HS3ST3A1: variants seen among roughly 807,000 people sequenced by gnomAD.
The protein encoded by HS3ST3A1 is heparan sulfate glucosamine 3-O-sulfotransferase 3A1.
Under a neutral mutation model 25.7 loss-of-function variants are expected in HS3ST3A1, and 19 were observed. That is an observed-to-expected ratio of 0.74 (90% confidence interval 0.52 to 1.08). The LOEUF (loss-of-function observed/expected upper bound fraction) is 1.08. Among genes scored for constraint, HS3ST3A1 ranks in the 50% least tolerant of loss-of-function variants. The pLI, the probability that HS3ST3A1 is intolerant of heterozygous loss-of-function variation, is 0.00. For missense variants in HS3ST3A1, 459 were observed against 594.3 expected (o/e 0.77, Z 2.37); for synonymous variants, 226 against 278.6 (o/e 0.81, Z 1.88).
chr17:13,523,243 A>G (rs866908260), intron 1 of HS3ST3A1, among the ~76,000 whole-genome samples: 1 of 152,192 alleles, frequency 6.6e-6, no homozygotes, highest in African/African-American at 2.4e-5. Flanking sequence ...AGAACTGGCC[A>G]TATAGTTGTG....
At chr17:13,580,752 G>A (rs1381174129) in intron 1 of HS3ST3A1, among the ~76,000 whole-genome samples, 1 of 152,066 alleles carries the variant, frequency 6.6e-6, no homozygotes, top group Admixed American at 6.6e-5. Context: ...TTAGCCGGAC[G>A]TGGTGACACA....
chr17:13,508,381 T>C (rs76229384), intron 1 of HS3ST3A1, among the ~76,000 whole-genome samples: 7,025 of 152,256 alleles, frequency 0.046, 341 homozygotes, highest in African/African-American at 0.12. Context: ...AACGAATCCA[T>C]CTGTAGTCAG....
chr17:13,511,868 A>C (rs1260894306), intron 1 of HS3ST3A1, among the ~76,000 whole-genome samples: 1 of 152,186 alleles, frequency 6.6e-6, no homozygotes, highest in East Asian at 1.9e-4. Context: ...GAATTTTGAT[A>C]GATAACTTGG....
chr17:13,523,209 A>T (rs899356608), intron 1 of HS3ST3A1, among the ~76,000 whole-genome samples: 1 of 152,342 alleles, frequency 6.6e-6, no homozygotes, highest in South Asian at 2.1e-4. Flanking sequence ...TAGAAAAGAA[A>T]AAAACAACCC....
At chr17:13,600,470 C>A in intron 1 of HS3ST3A1, 61 bp downstream of exon 1, 3 of 1,487,118 alleles carry the variant, frequency 2.0e-6, no homozygotes, top group South Asian at 1.3e-5. Flanking sequence ...GGCTCCTCCA[C>A]GTCTTTCCCA....
chr17:13,528,073 G>A (rs1206225156), intron 1 of HS3ST3A1, among the ~76,000 whole-genome samples: 1 of 152,248 alleles, frequency 6.6e-6, no homozygotes, highest in South Asian at 2.1e-4. Context: ...AGAAGGAGGG[G>A]ATCTACTGGA....
intron 1 of HS3ST3A1, among the ~76,000 whole-genome samples, chr17:13,599,036 A>T (rs1397708836): frequency 6.7e-6 from 1 of 148,624 alleles, no homozygotes; most frequent in African/African-American, 2.5e-5. Context: ...GTCTTTAATC[A>T]CTTCTTTCTC....
intron 1 of HS3ST3A1, among the ~76,000 whole-genome samples, chr17:13,572,431 C>T (rs1201926968): frequency 6.6e-6 from 1 of 152,000 alleles, no homozygotes; most frequent in Non-Finnish European, 1.5e-5. Context: ...ACTAGGAAAA[C>T]AATGCATTTG....
chr17:13,496,119 A>G lies in HS3ST3A1; in HGVS notation c.*78T>C. On this transcript the variant is annotated 3_prime_UTR_variant, in exon 2 of 2. Coordinates refer to ENST00000284110, the MANE Select transcript of HS3ST3A1 (RefSeq NM_006042.3). ...ACTGAAACATATTTTCAGCACAAAT[A>G]TTAAACTGTCTCTTCTCTACCGATT... 7.2e-7 allele frequency: 1 copy of G among 1,391,488 alleles called. No homozygotes were observed. Among genetic ancestry groups the G allele is most frequent in the Non-Finnish European group, 9.5e-7 (1 of 1,054,626 alleles). The allele number at this position is 1,391,488 out of a possible 1,614,324, so 86.2% of individuals were successfully genotyped here. A position where few individuals can be genotyped will look rare whatever the true frequency, so the allele number is the denominator to read the frequency against.
chr17:13,585,147 T>G (rs2142386260), intron 1 of HS3ST3A1, among the ~76,000 whole-genome samples: 1 of 150,366 alleles, frequency 6.7e-6, no homozygotes, highest in South Asian at 2.1e-4. Context: ...GAACAACCAT[T>G]TAGCCGCCAA....
chr17:13,549,056 A>G (rs1277742329), intron 1 of HS3ST3A1, among the ~76,000 whole-genome samples: 1 of 152,188 alleles, frequency 6.6e-6, no homozygotes, highest in African/African-American at 2.4e-5. Flanking sequence ...GCTTTTCACA[A>G]TAAATCTTGC....
At chr17:13,579,894 G>C (rs1233039214) in intron 1 of HS3ST3A1, among the ~76,000 whole-genome samples, 2 of 139,512 alleles carry the variant, frequency 1.4e-5, no homozygotes, top group Non-Finnish European at 3.0e-5. Flanking sequence ...GTTGCAGTGA[G>C]CTGAGATCGT....
chr17:13,596,697 T>A (rs1304178829), intron 1 of HS3ST3A1, among the ~76,000 whole-genome samples: 1 of 152,138 alleles, frequency 6.6e-6, no homozygotes, highest in Non-Finnish European at 1.5e-5. Flanking sequence ...AGAGCGCCCT[T>A]GGCCATCAGT....
chr17:13,540,917 G>T (rs975001976), intron 1 of HS3ST3A1, among the ~76,000 whole-genome samples: 3 of 152,164 alleles, frequency 2.0e-5, no homozygotes, highest in Non-Finnish European at 4.4e-5. Flanking sequence ...AATTTCATTT[G>T]AACTAGGAGT....
chr17:13,499,884 C>A (rs1485049886), intron 1 of HS3ST3A1, among the ~76,000 whole-genome samples: 1 of 152,020 alleles, frequency 6.6e-6, no homozygotes, highest in African/African-American at 2.4e-5. Context: ...GAGAGTTGGG[C>A]TTAACTATAA....
At chr17:13,579,407 A>G (rs1370498096) in intron 1 of HS3ST3A1, among the ~76,000 whole-genome samples, 1 of 152,114 alleles carries the variant, frequency 6.6e-6, no homozygotes, top group Non-Finnish European at 1.5e-5. Flanking sequence ...GATACTCTTA[A>G]AAGAGGATTT....
At chr17:13,581,702 A>C (rs1224972177) in intron 1 of HS3ST3A1, among the ~76,000 whole-genome samples, 1 of 152,214 alleles carries the variant, frequency 6.6e-6, no homozygotes, top group Non-Finnish European at 1.5e-5. Flanking sequence ...TTGAGAACTT[A>C]TCTTAAAAAC....
At chr17:13,556,290 G>A (rs1567622890) in intron 1 of HS3ST3A1, among the ~76,000 whole-genome samples, 2 of 152,066 alleles carry the variant, frequency 1.3e-5, no homozygotes, top group South Asian at 2.1e-4. Flanking sequence ...GGCAGATCAC[G>A]AGGTCAGGAC....
intron 1 of HS3ST3A1, among the ~76,000 whole-genome samples, chr17:13,578,637 G>A (rs931958150): frequency 4.0e-5 from 6 of 151,872 alleles, no homozygotes; most frequent in African/African-American, 1.5e-4. Context: ...CTGAAGCCTG[G>A]GCCCAGTCTC....
Sources: allele counts gnomAD v4.1 joint callset (sites outside exome capture counted in the v4.1 genomes callset), GRCh38; gene constraint gnomAD v4.1.1; transcripts MANE v1.5; gene names NCBI Gene and HGNC (gene_info 2026-07-23, HGNC 2026-07-21).